The following TASOR variants were observed in gnomAD, a reference collection of about 807,000 sequenced individuals.
The protein encoded by TASOR is protein TASOR.
Under a neutral mutation model 178.6 loss-of-function variants are expected in TASOR, and 53 were observed. That is an observed-to-expected ratio of 0.30 (90% CI 0.24 to 0.37). TASOR has a LOEUF of 0.37. Ranked by LOEUF, TASOR falls within the 10% of genes least tolerant of loss-of-function variation. TASOR has a pLI of 1.00. For synonymous variants in TASOR, 713 were observed against 696.2 expected (o/e 1.02, Z -0.38); for missense variants, 1,815 against 1,971.4 (o/e 0.92, Z 1.50).
At chr3:56,645,934 G>A (rs889598769) in intron 14 of TASOR, among the ~76,000 whole-genome samples, 6 of 152,144 alleles carry the variant, frequency 3.9e-5, no homozygotes, top group Admixed American at 3.3e-4. Flanking sequence ...GGATCACGAG[G>A]TCAGGAGATC....
rs561584850 is a variant in TASOR, at chr3:56,642,428, C to T, written c.2216-676G>A. ...AATATATTTTAAAACTTGTAAAGGGCGCAAACATTCAGAAAGTCATGTGCT... is the reference window on the plus strand; with the variant it reads ...AATATATTTTAAAACTTGTAAAGGGTGCAAACATTCAGAAAGTCATGTGCT... On this transcript the variant is annotated intron_variant, in intron 14 of 23. Coordinates refer to ENST00000683822, the MANE Select transcript of TASOR (RefSeq NM_001365635.2). 4.6e-5 allele frequency among the ~76,000 whole-genome samples: 7 copies of T among 152,182 alleles called. No homozygotes were observed. In the South Asian group the frequency reaches 1.2e-3, roughly 27 times the overall value.
intron 18 of TASOR, 132 bp downstream of exon 18, chr3:56,632,912 C>T (rs2076945331): frequency 1.4e-6 from 1 of 718,710 alleles, no homozygotes; most frequent in Non-Finnish European, 2.2e-6. Context: ...TTTGGGATTA[C>T]AGGTATTAGC....
chr3:56,630,801 T>C (rs1490184611), intron 18 of TASOR, among the ~76,000 whole-genome samples: 1 of 151,822 alleles, frequency 6.6e-6, no homozygotes, highest in Non-Finnish European at 1.5e-5. Flanking sequence ...GCCAAGATAG[T>C]GCCATTACAC....
In TASOR at chr3:56,641,510, G is replaced by A. The variant is rs866424609; in HGVS notation, c.2458C>T (p.Pro820Ser). ...GGCTGCTCATAGTCTTTCTTATCTG[G>A]GGTAGAGTTCAACTCATACTCATGT... ...QKHEYELNST[P>S]DKKDYEQPTC... The change falls in exon 15 of 24, where the codon CCA (proline) becomes TCA (serine). Residue 820 changes from proline (P) to serine (S), a missense_variant. By Grantham distance (74) the Pro-to-Ser change is moderately conservative. This residue lies in a region of TASOR where 655 missense variants were observed against 671.1 expected (regional missense o/e 0.98). Transcript: ENST00000683822. 3 of 1,613,810 alleles carry A rather than the reference G, an allele frequency of 1.9e-6. No individual in the cohort carries two copies. Among genetic ancestry groups the A allele is most frequent in the Admixed American group, 1.7e-5 (1 of 59,988 alleles).
At chr3:56,628,636 A>G in intron 18 of TASOR, 22 bp from the exon 19 acceptor site, 1 of 1,461,274 alleles carries the variant, frequency 6.8e-7, no homozygotes, top group Non-Finnish European at 9.4e-7. Flanking sequence ...AAACAACTAA[A>G]TCAATATTAA....
rs1271742844 is a variant in TASOR, at chr3:56,661,936, C to A, written c.1160+449G>T. Among the ~76,000 whole-genome samples the A allele has an allele frequency of 2.6e-5, 4 of 151,462 alleles. No homozygotes were observed. In the East Asian group the frequency reaches 5.9e-4, roughly 22 times the overall value. Reference sequence around the variant, plus strand: ...GGTCAGGAGTTCGAGACCAGACTGACTGACATGGCAAAAGCCCCGTCTCTA... The same window carrying A: ...GGTCAGGAGTTCGAGACCAGACTGAATGACATGGCAAAAGCCCCGTCTCTA... On this transcript the variant is annotated intron_variant, in intron 9 of 23. Transcript: ENST00000683822.
rs869036297 is a variant in TASOR at position 56,653,284 on chromosome 3, AAAAAAG to A, written c.1369-4233_1369-4228del. Among the ~76,000 whole-genome samples the A allele has an allele frequency of 3.2e-3, 322 of 102,212 alleles. 34 individuals are homozygous for A. Among genetic ancestry groups the A allele is most frequent in the South Asian group, 5.7e-3 (21 of 3,678 alleles). The allele number at this position is 102,212 out of a possible 152,430, so 67.1% of individuals were successfully genotyped here. A position where few individuals can be genotyped will look rare whatever the true frequency, so the allele number is the denominator to read the frequency against. The stretch of plus-strand genomic sequence containing the variant: ...TCTCAAAAAAAAAAAAAAAAAAAAA[AAAAAAG>A]AAAAGACAAGCTAAAGAAAATGAGG... On this transcript the variant is annotated intron_variant, in intron 11 of 23. Coordinates refer to ENST00000683822, the MANE Select transcript of TASOR (RefSeq NM_001365635.2).
In TASOR at chr3:56,660,908, C is replaced by G; in HGVS notation, c.1264+6G>C. The G allele has an allele frequency of 1.2e-6, 2 of 1,609,102 alleles. No individual in the cohort carries two copies. The highest frequency in any genetic ancestry group is 8.5e-7 in the Non-Finnish European group (1 of 1,177,198). ...AATGCATTTCAATAAAATTAAATTA[C>G]CTTACCTTCATTTGGACCTAAGTAT... is the stretch of plus-strand genomic sequence containing the variant. On this transcript the variant is annotated splice_donor_region_variant and intron_variant, in intron 10 of 23. Transcript: ENST00000683822.
Position 56,633,661 on chromosome 3 carries a change from C to T in TASOR, c.3130G>A (p.Val1044Ile), listed in dbSNP as rs765376721. The T allele has an allele frequency of 3.1e-6, 5 of 1,614,074 alleles. No homozygotes were observed. Among genetic ancestry groups the T allele is most frequent in the Non-Finnish European group, 4.2e-6 (5 of 1,179,982 alleles). ...AAGATAGGTGTGGAAACTGTACTGA[C>T]ATATGAAACATTCTTTTGCTTCAAA... ...EILKQKNVSY[V>I]STVSTPIFST... is the part of the protein sequence containing the mutation. The change falls in exon 18 of 24, where the codon GTC becomes ATC. Residue 1044 changes from valine to isoleucine, a missense_variant. Transcript: ENST00000683822.
intron 3 of TASOR, among the ~76,000 whole-genome samples, chr3:56,670,891 C>T (rs4681981): frequency 2.1e-5 from 3 of 139,876 alleles, no homozygotes. Flanking sequence ...GAGTGAGCCG[C>T]GATCACACCA....
intron 23 of TASOR, among the ~76,000 whole-genome samples, chr3:56,624,064 A>G (rs35418695): frequency 0.033 from 5,100 of 152,294 alleles, 114 homozygotes; most frequent in Middle Eastern, 0.078. Flanking sequence ...CAGCTCTACT[A>G]TCTTGCAATT....
At chr3:56,669,944 T>C (rs1019110179) in intron 4 of TASOR, 129 bp downstream of exon 4, 10 of 861,014 alleles carry the variant, frequency 1.2e-5, no homozygotes, top group Non-Finnish European at 1.2e-5. Flanking sequence ...TCAGAACCTA[T>C]GACTAGTCTT....
intron 11 of TASOR, 136 bp downstream of exon 11, chr3:56,660,595 T>G: frequency 1.6e-6 from 1 of 643,788 alleles, no homozygotes; most frequent in Non-Finnish European, 2.7e-6. Context: ...AAAACACTGT[T>G]AACTAAACAG....
In TASOR at chr3:56,651,700, C is replaced by CAA. The variant is rs35330541; in HGVS notation, c.1369-2645_1369-2644dup. The stretch of plus-strand genomic sequence containing the variant: ...GCCTAGGCAACAGAGAGTCCTGTCT[C>CAA]AAAAAAAAAAAGCTTAGAAGGAAAT... On this transcript the variant is annotated intron_variant, in intron 11 of 23. Coordinates refer to ENST00000683822, the MANE Select transcript of TASOR (RefSeq NM_001365635.2). 3.0e-4 allele frequency among the ~76,000 whole-genome samples: 37 copies of CAA among 122,492 alleles called. 1 individual carries two copies. Among genetic ancestry groups the CAA allele is most frequent in the East Asian group, 8.9e-4 (4 of 4,472 alleles). The allele number at this position is 122,492 out of a possible 152,430, so 80.4% of individuals were successfully genotyped here.
Position 56,627,628 on chromosome 3 carries a change from A to G in TASOR, c.3984T>C (p.Phe1328=), listed in dbSNP as rs1229057591. ...TYNELFVSGG[F]IVSDESILNP... ...TTAGAATTGATTCATCAGATACGAT[A>G]AAACCTCCAGATACAAATAATTCAT... is the stretch of plus-strand genomic sequence containing the variant. Residue 1328 remains phenylalanine, a synonymous_variant, in exon 20 of 24, where the codon TTT becomes TTC. Coordinates refer to ENST00000683822, the MANE Select transcript of TASOR (RefSeq NM_001365635.2). 6.2e-7 allele frequency: 1 copy of G among 1,614,030 alleles called. No homozygotes were observed. Among genetic ancestry groups the G allele is most frequent in the Non-Finnish European group, 8.5e-7 (1 of 1,179,984 alleles).
chr3:56,679,220 T>C (rs1477434070), intron 1 of TASOR, among the ~76,000 whole-genome samples: 1 of 152,198 alleles, frequency 6.6e-6, no homozygotes, highest in Admixed American at 6.5e-5. Context: ...AGATCTTTTT[T>C]TAAAATCACT....
chr3:56,625,311 G>A (rs999019039), intron 21 of TASOR, among the ~76,000 whole-genome samples: 4 of 152,124 alleles, frequency 2.6e-5, no homozygotes, highest in African/African-American at 9.7e-5. Flanking sequence ...CTTTAATGAA[G>A]GACTTAAAGG....
intron 2 of TASOR, among the ~76,000 whole-genome samples, chr3:56,672,351 AC>A (rs1450587425): frequency 6.6e-6 from 1 of 152,220 alleles, no homozygotes; most frequent in East Asian, 1.9e-4. Context: ...TCGCTACCAT[AC>A]CATGAAACCA....
At chr3:56,648,955 G>A in intron 12 of TASOR, 30 bp downstream of exon 12, 2 of 1,596,776 alleles carry the variant, frequency 1.3e-6, no homozygotes, top group South Asian at 1.2e-5. Flanking sequence ...AGAAAGAATT[G>A]TAAAAATTTA....
Sources: gnomAD v4.1 joint callset for allele counts (sites outside exome capture counted in the v4.1 genomes callset) on GRCh38, gnomAD v4.1.1 for gene constraint, gnomAD v4.1.1 regional missense constraint, MANE v1.5 for transcripts, NCBI Gene and HGNC (gene_info 2026-07-23, HGNC 2026-07-21) for gene names.